TMPRSS9: variants seen among roughly 807,000 people sequenced by gnomAD.
TMPRSS9 encodes transmembrane protease serine 9.
TMPRSS9 carries 113 observed loss-of-function variants against 111.4 expected under a neutral mutation model. The observed-to-expected ratio is 1.01, with a 90% confidence interval of 0.87 to 1.19. TMPRSS9 has a LOEUF of 1.19. Ranked by LOEUF, TMPRSS9 falls within the 50% of genes most tolerant of loss-of-function variation. The pLI is 0.00. For missense variants in TMPRSS9, 1,803 were observed against 1,513.1 expected, an observed-to-expected ratio of 1.19 and a Z score of -3.18; for synonymous variants, 805 against 659.1, an observed-to-expected ratio of 1.22 and a Z score of -3.39.
intron 1 of TMPRSS9, among the ~76,000 whole-genome samples, chr19:2,373,023 G>A (rs531629746): frequency 6.6e-5 from 10 of 151,950 alleles, no homozygotes; most frequent in African/African-American, 2.2e-4. Context: ...TGTGGAGATG[G>A]GGGTCTCGCC....
At chr19:2,425,160 T>A in exon 16 of TMPRSS9, 2 of 1,569,148 alleles carry the variant, frequency 1.3e-6, no homozygotes, top group South Asian at 1.1e-5. Flanking sequence ...GCGGGGCCGG[T>A]GCGTCGCAGC....
intron 15 of TMPRSS9, among the ~76,000 whole-genome samples, chr19:2,424,465 G>C (rs1054165927): frequency 7.0e-6 from 1 of 143,082 alleles, no homozygotes. Context: ...CCCCTAGCCT[G>C]ACCACACGGG....
At chr19:2,405,290 A>C in intron 6 of TMPRSS9, 84 bp from the exon 8 acceptor site, 1 of 1,477,346 alleles carries the variant, frequency 6.8e-7, no homozygotes, top group Non-Finnish European at 8.9e-7. Context: ...ACTGTAGACG[A>C]GAGACTCAGA....
At chr19:2,387,968 G>A (rs1183553016), upstream of TMPRSS9, among the ~76,000 whole-genome samples, 5 of 152,198 alleles carry the variant, frequency 3.3e-5, no homozygotes, top group Non-Finnish European at 7.3e-5. Flanking sequence ...GTCCAGAGCC[G>A]TAGCTGCACA....
chr19:2,425,091 A>C (rs750620688), exon 16 of TMPRSS9: 130 of 1,581,944 alleles, frequency 8.2e-5, no homozygotes, highest in Non-Finnish European at 1.1e-4. Context: ...GCGCGCATCT[A>C]CAAGCACCCG....
At position 2,410,457 on chromosome 19, in the gene TMPRSS9, C is replaced by A. The variant is rs965095215; in HGVS notation, c.1254+63C>A. ...AAATAGACACGAGCATGTTCAAATGCTGAGCAATTCACAGATATCTGGATG... is the reference window on the plus strand; with the variant it reads ...AAATAGACACGAGCATGTTCAAATGATGAGCAATTCACAGATATCTGGATG... On this transcript the variant is annotated intron_variant, in intron 9 of 17. Coordinates refer to ENST00000648592, the Ensembl canonical transcript of TMPRSS9. 5 of 1,583,590 alleles carry A rather than the reference C, an allele frequency of 3.2e-6. No individual in the cohort carries two copies. The South Asian group carries it at 3.4e-5, about 11-fold the overall frequency.
At chr19:2,413,624 C>CAA in intron 9 of TMPRSS9, 76 bp from the exon 11 acceptor site, 1 of 1,501,800 alleles carries the variant, frequency 6.7e-7, no homozygotes, top group South Asian at 1.2e-5. Context: ...CTCAGAGCTC[C>CAA]TTCTTGGGCC....
intron 1 of TMPRSS9, among the ~76,000 whole-genome samples, chr19:2,392,720 A>G (rs969868772): frequency 1.3e-5 from 2 of 152,158 alleles, no homozygotes; most frequent in African/African-American, 4.8e-5. Flanking sequence ...AGGATTGTAA[A>G]TGCACCAATA....
rs573250827 is a variant in TMPRSS9, at chr19:2,414,459, C to T, written c.1573+441C>T. ...TTCCCCATGTTGGTCAGGCTGGCCT[C>T]GAACTCCTGACTTCATCATCTGCCC... is the stretch of plus-strand genomic sequence containing the variant. On this transcript the variant is annotated intron_variant, in intron 10 of 17. Transcript: ENST00000648592. Among the ~76,000 whole-genome samples the T allele has an allele frequency of 2.8e-3, 428 of 152,094 alleles. 1 individual carries two copies. The highest frequency in any genetic ancestry group is 9.3e-3 in the African/African-American group (386 of 41,528).
At chr19:2,367,764 T>G (rs1453700684) in intron 1 of TMPRSS9, among the ~76,000 whole-genome samples, 2 of 151,660 alleles carry the variant, frequency 1.3e-5, no homozygotes. Flanking sequence ...GGGGTTTCAC[T>G]GTGTTAGCCA....
rs543213967 is a variant in TMPRSS9, at chr19:2,403,012, T to G, written c.557-70T>G. On this transcript the variant is annotated intron_variant, in intron 5 of 17. Coordinates refer to ENST00000648592, the Ensembl canonical transcript of TMPRSS9. The stretch of plus-strand genomic sequence containing the variant: ...TTCCGTACCCTGGTGGTACTAAGTA[T>G]AGCATGGTGCCTTACTCCAACCAGG... 6 of 1,084,344 alleles carry G rather than the reference T, an allele frequency of 5.5e-6. No individual in the cohort carries two copies. In the East Asian group the frequency reaches 9.8e-5, roughly 18 times the overall value. The allele number at this position is 1,084,344 out of a possible 1,614,324, so 67.2% of individuals were successfully genotyped here. A position where few individuals can be genotyped will look rare whatever the true frequency, so the allele number is the denominator to read the frequency against.
chr19:2,385,470 A>T (rs1306367594), upstream of TMPRSS9, among the ~76,000 whole-genome samples: 1 of 152,164 alleles, frequency 6.6e-6, no homozygotes, highest in Non-Finnish European at 1.5e-5. Flanking sequence ...CCACCTGGCC[A>T]TGTTCTGGGA....
At chr19:2,417,684 T>C (rs1599311117) in intron 12 of TMPRSS9, among the ~76,000 whole-genome samples, 1 of 152,076 alleles carries the variant, frequency 6.6e-6, no homozygotes, top group Non-Finnish European at 1.5e-5. Context: ...TGGTGCTTGC[T>C]TGCGCTAGTC....
chr19:2,390,443 C>T (rs941794903), intron 1 of TMPRSS9, among the ~76,000 whole-genome samples: 2 of 149,252 alleles, frequency 1.3e-5, no homozygotes, highest in Non-Finnish European at 3.0e-5. Context: ...CGGGGTTTCA[C>T]CGTGTTAGCC....
At chr19:2,397,201 G>A (rs879649229) in intron 2 of TMPRSS9, among the ~76,000 whole-genome samples, 2 of 152,134 alleles carry the variant, frequency 1.3e-5, no homozygotes. Flanking sequence ...GATTACAGGC[G>A]TGAGTCACCG....
At chr19:2,400,134 C>T (rs745465542) in intron 4 of TMPRSS9, among the ~76,000 whole-genome samples, 59 of 152,364 alleles carry the variant, frequency 3.9e-4, no homozygotes, top group Non-Finnish European at 6.9e-4. Flanking sequence ...ATAGGTGTGG[C>T]TGTTTACCAA....
At chr19:2,384,539 G>C (rs1194400461) in intron 1 of TMPRSS9, among the ~76,000 whole-genome samples, 2 of 152,056 alleles carry the variant, frequency 1.3e-5, no homozygotes, top group African/African-American at 4.8e-5. Flanking sequence ...GGTGTGGTCA[G>C]GCGCGGTGGC....
At chr19:2,401,205 C>T (rs1264168735) in intron 4 of TMPRSS9, among the ~76,000 whole-genome samples, 1 of 151,884 alleles carries the variant, frequency 6.6e-6, no homozygotes, top group Non-Finnish European at 1.5e-5. Flanking sequence ...ACCCGGGAGG[C>T]GGAGCTTGAA....
chr19:2,386,372 G>A (rs1970475028), upstream of TMPRSS9, among the ~76,000 whole-genome samples: 1 of 151,968 alleles, frequency 6.6e-6, no homozygotes, highest in Non-Finnish European at 1.5e-5. Flanking sequence ...GGGCGTGGTG[G>A]CGGGCGCCTG....
Sources: allele counts gnomAD v4.1 joint callset (sites outside exome capture counted in the v4.1 genomes callset), GRCh38; gene constraint gnomAD v4.1.1; transcripts MANE v1.5; gene names NCBI Gene and HGNC (gene_info 2026-07-23, HGNC 2026-07-21).